IL1RAPL2: variants seen among roughly 807,000 people sequenced by gnomAD.
IL1RAPL2 encodes the protein X-linked interleukin-1 receptor accessory protein-like 2.
In IL1RAPL2, 3 loss-of-function variants were observed where a neutral mutation model predicts 44.1. That is an observed-to-expected ratio of 0.07 (90% CI 0.03 to 0.18). The LOEUF (loss-of-function observed/expected upper bound fraction) is 0.18. Ranked by LOEUF, IL1RAPL2 falls within the 10% of genes least tolerant of loss-of-function variation. The pLI, the probability that IL1RAPL2 is intolerant of heterozygous loss-of-function variation, is 1.00. For synonymous variants in IL1RAPL2, 181 were observed against 178.8 expected, an observed-to-expected ratio of 1.01 and a Z score of -0.10; for missense variants, 391 against 496.4, an observed-to-expected ratio of 0.79 and a Z score of 2.02.
intron 1 of IL1RAPL2, among the ~76,000 whole-genome samples, chrX:104,625,365 C>A (rs755782465): frequency 8.9e-6 from 1 of 111,822 alleles, no homozygotes; most frequent in African/African-American, 3.2e-5. Context: ...GAGAAGGGTA[C>A]ATAAAAAAAT....
At chrX:105,673,942 T>G (rs1255468538) in intron 6 of IL1RAPL2, among the ~76,000 whole-genome samples, 1 of 112,203 alleles carries the variant, frequency 8.9e-6, no homozygotes, top group Non-Finnish European at 1.9e-5. Context: ...TTTTTTCATA[T>G]GTTTGTGGGC....
At chrX:104,640,830 G>A (rs916374667) in intron 1 of IL1RAPL2, among the ~76,000 whole-genome samples, 2 of 112,513 alleles carry the variant, frequency 1.8e-5, no homozygotes, top group African/African-American at 6.5e-5. Flanking sequence ...CTGTGGTGAA[G>A]TTGTGCTGGG....
At chrX:105,388,356 ATTTTTTTTTTT>A (rs772573698) in intron 5 of IL1RAPL2, among the ~76,000 whole-genome samples, 2 of 61,269 alleles carry the variant, frequency 3.3e-5, no homozygotes, top group African/African-American at 1.0e-4. Context: ...ACCAAAGCAG[ATTTTTTTTTTT>A]TTTTTTTTTT....
At chrX:105,075,599 A>G (rs1319234824) in intron 2 of IL1RAPL2, among the ~76,000 whole-genome samples, 3 of 111,982 alleles carry the variant, frequency 2.7e-5, no homozygotes, top group Non-Finnish European at 3.8e-5. Context: ...ATTGATTGGA[A>G]TAGTTTCAGA....
In IL1RAPL2 at chrX:104,678,644, G is replaced by A. The variant is rs73243894; in HGVS notation, c.82+19649G>A. On this transcript the variant is annotated intron_variant, in intron 2 of 10. Transcript: ENST00000372582. ...TTTATTCAGTCCCTAAGTGTCATTC[G>A]CACATCCTCTGTGCTTCACCTAACT... 2.3e-4 allele frequency among the ~76,000 whole-genome samples: 26 copies of A among 111,908 alleles called. No homozygotes were observed. The South Asian group carries it at 5.2e-3, about 22-fold the overall frequency.
At chrX:105,571,273 A>G (rs1397492513) in intron 6 of IL1RAPL2, among the ~76,000 whole-genome samples, 1 of 111,527 alleles carries the variant, frequency 9.0e-6, no homozygotes, top group Non-Finnish European at 1.9e-5. Flanking sequence ...TCCTAAAAGT[A>G]TTTCATAGCC....
At chrX:104,691,429 G>A (rs1256987762) in intron 2 of IL1RAPL2, among the ~76,000 whole-genome samples, 1 of 111,813 alleles carries the variant, frequency 8.9e-6, no homozygotes, top group Non-Finnish European at 1.9e-5. Flanking sequence ...TGGCTGTTTT[G>A]GTTAAACTCC....
At chrX:104,857,654 A>G (rs1426224005) in intron 2 of IL1RAPL2, among the ~76,000 whole-genome samples, 1 of 111,483 alleles carries the variant, frequency 9.0e-6, no homozygotes, top group Non-Finnish European at 1.9e-5. Context: ...TGGATTGCCT[A>G]TGGAAGACTC....
At chrX:105,231,439 C>T (rs1453260559) in intron 3 of IL1RAPL2, among the ~76,000 whole-genome samples, 1 of 111,620 alleles carries the variant, frequency 9.0e-6, no homozygotes, top group Non-Finnish European at 1.9e-5. Flanking sequence ...TTTGACAAGC[C>T]ATATACCTTC....
At position 105,743,600 on chromosome X, in the gene IL1RAPL2, G is replaced by T. The variant is rs187257769; in HGVS notation, c.1048+2909G>T. ...TTCTAACCTGTCTCTACTTATTTTTGCTTTGTCTATTACTATTGGATATTA... is the reference window on the plus strand; with the variant it reads ...TTCTAACCTGTCTCTACTTATTTTTTCTTTGTCTATTACTATTGGATATTA... On this transcript the variant is annotated intron_variant, in intron 8 of 10. Transcript: ENST00000372582. Among the ~76,000 whole-genome samples, 370 of 110,648 alleles carry T rather than the reference G, an allele frequency of 3.3e-3. 1 individual carries two copies. The highest frequency in any genetic ancestry group is 0.011 in the African/African-American group (349 of 30,484).
chrX:105,072,634 C>CT (rs1179471311), intron 2 of IL1RAPL2, among the ~76,000 whole-genome samples: 25 of 107,458 alleles, frequency 2.3e-4, no homozygotes, highest in East Asian at 5.8e-4. Context: ...CACTCTTATT[C>CT]TTTTTTTTTT....
chrX:105,005,368 A>G (rs1180683409), intron 2 of IL1RAPL2, among the ~76,000 whole-genome samples: 1 of 111,434 alleles, frequency 9.0e-6, no homozygotes, highest in African/African-American at 3.3e-5. Flanking sequence ...ATAAACATAG[A>G]TATATCTATG....
intron 6 of IL1RAPL2, among the ~76,000 whole-genome samples, chrX:105,628,182 C>CT (rs1367530544): frequency 9.0e-6 from 1 of 110,729 alleles, no homozygotes; most frequent in Admixed American, 9.6e-5. Context: ...TTTTCTTTTT[C>CT]TTTTTTTATT....
intron 2 of IL1RAPL2, among the ~76,000 whole-genome samples, chrX:104,982,681 C>G (rs5962455): frequency 0.43 from 47,460 of 109,693 alleles, 7,446 homozygotes; most frequent in Non-Finnish European, 0.46. Context: ...CCTAAACTCT[C>G]TTGTTCTTTA....
chrX:105,266,102 C>T (rs1466225116), intron 4 of IL1RAPL2, among the ~76,000 whole-genome samples: 1 of 109,308 alleles, frequency 9.1e-6, no homozygotes, highest in Non-Finnish European at 1.9e-5. Context: ...AGTGCAGTGG[C>T]GTGATCTCGG....
intron 2 of IL1RAPL2, among the ~76,000 whole-genome samples, chrX:104,717,778 C>T (rs1451057432): frequency 9.2e-6 from 1 of 108,532 alleles, no homozygotes; most frequent in Non-Finnish European, 1.9e-5. Context: ...ACAACAGTCC[C>T]CGGTGTGTGA....
chrX:105,313,957 C>T (rs979416704), intron 5 of IL1RAPL2, among the ~76,000 whole-genome samples: 1 of 111,587 alleles, frequency 9.0e-6, no homozygotes, highest in African/African-American at 3.3e-5. Flanking sequence ...GTTCTTATGG[C>T]ATCAGCAAGG....
At chrX:104,805,972 A>G (rs954596178) in intron 2 of IL1RAPL2, among the ~76,000 whole-genome samples, 1 of 111,860 alleles carries the variant, frequency 8.9e-6, no homozygotes, top group Non-Finnish European at 1.9e-5. Flanking sequence ...CTGGCTGCAT[A>G]TGAGAATCAC....
At chrX:105,212,660 G>A (rs1427277945) in intron 3 of IL1RAPL2, among the ~76,000 whole-genome samples, 3 of 111,980 alleles carry the variant, frequency 2.7e-5, no homozygotes, top group Admixed American at 9.4e-5. Context: ...AGTGGGTCCC[G>A]GACCCCCATG....
Sources: allele counts gnomAD v4.1 joint callset (sites outside exome capture counted in the v4.1 genomes callset), GRCh38; gene constraint gnomAD v4.1.1; transcripts MANE v1.5; gene names NCBI Gene and HGNC (gene_info 2026-07-23, HGNC 2026-07-21).